ADCY8: variants seen among roughly 807,000 people sequenced by gnomAD.
The protein encoded by ADCY8 is adenylate cyclase 8.
In ADCY8, 51 loss-of-function variants were observed where a neutral mutation model predicts 119.7. The observed-to-expected ratio is 0.43, with a 90% CI of 0.34 to 0.54. ADCY8 has a LOEUF of 0.54. ADCY8 is among the 20% of genes least tolerant of loss of function. ADCY8 has a pLI of 0.03. For synonymous variants in ADCY8, 665 were observed against 651.0 expected, an observed-to-expected ratio of 1.02 and a Z score of -0.33; for missense variants, 1,383 against 1,598.8, an observed-to-expected ratio of 0.87 and a Z score of 2.30.
At chr8:130,810,518 C>A (rs1028966422) in intron 14 of ADCY8, among the ~76,000 whole-genome samples, 20 of 152,260 alleles carry the variant, frequency 1.3e-4, no homozygotes, top group African/African-American at 4.6e-4. Context: ...ATACCCTGCA[C>A]CTTTCAGGGC....
chr8:131,039,500 G>A lies in ADCY8; in HGVS notation c.834C>T (p.Leu278=). 6.2e-7 allele frequency: 1 copy of A among 1,614,034 alleles called. No homozygotes were observed. Among genetic ancestry groups the A allele is most frequent in the Non-Finnish European group, 8.5e-7 (1 of 1,180,042 alleles). The change falls in exon 1 of 18, where the codon CTC becomes CTT. Residue 278 remains leucine (L), a synonymous_variant. Transcript: ENST00000286355. The stretch of plus-strand genomic sequence containing the variant: ...GCGGCAGCATACTGTAGGTGGCGAA[G>A]AGCGTGAAGAGCACGTAGCCTATGC... ...GDGIGYVLFT[L]FATYSMLPLP... is the part of the protein sequence containing the mutation.
At chr8:130,889,639 C>G (rs1471602845) in intron 7 of ADCY8, among the ~76,000 whole-genome samples, 1 of 152,160 alleles carries the variant, frequency 6.6e-6, no homozygotes, top group Non-Finnish European at 1.5e-5. Context: ...CCTTAGCTTT[C>G]TTCACCAGGC....
At chr8:130,999,055 C>T (rs1258857943) in intron 1 of ADCY8, among the ~76,000 whole-genome samples, 2 of 152,096 alleles carry the variant, frequency 1.3e-5, no homozygotes, top group Non-Finnish European at 2.9e-5. Flanking sequence ...ACTTTGATAT[C>T]CTTTTTATAT....
intron 8 of ADCY8, among the ~76,000 whole-genome samples, chr8:130,877,559 A>C (rs571288020): frequency 6.6e-6 from 1 of 152,326 alleles, no homozygotes; most frequent in South Asian, 2.1e-4. Context: ...CAGAAAGACA[A>C]TCTTTTGCAG....
chr8:130,788,182 A>G (rs1815317197), intron 15 of ADCY8, among the ~76,000 whole-genome samples: 1 of 152,232 alleles, frequency 6.6e-6, no homozygotes. Context: ...GAGTGCAGAC[A>G]TTCCTTTGGC....
chr8:130,783,905 G>T, intron 16 of ADCY8, 100 bp from the exon 17 acceptor site: 1 of 801,128 alleles, frequency 1.2e-6, no homozygotes. Flanking sequence ...AACCCTACCT[G>T]CACATCCCTT....
intron 2 of ADCY8, among the ~76,000 whole-genome samples, chr8:130,964,173 T>G (rs1821692777): frequency 6.6e-6 from 1 of 152,210 alleles, no homozygotes; most frequent in Non-Finnish European, 1.5e-5. Context: ...ACCACCTTAG[T>G]GTGGTAGACG....
intron 15 of ADCY8, among the ~76,000 whole-genome samples, chr8:130,789,193 AC>A (rs1324245388): frequency 1.3e-5 from 2 of 152,186 alleles, no homozygotes; most frequent in Non-Finnish European, 2.9e-5. Context: ...AAGACAACAA[AC>A]CTGTTAAAAT....
intron 4 of ADCY8, among the ~76,000 whole-genome samples, chr8:130,940,162 G>A (rs1820914352): frequency 6.6e-6 from 1 of 152,198 alleles, no homozygotes; most frequent in Non-Finnish European, 1.5e-5. Flanking sequence ...TCTTACGGAT[G>A]GGAACAGCAG....
chr8:130,784,115 GTA>G (rs984423478), intron 16 of ADCY8, among the ~76,000 whole-genome samples: 1 of 152,128 alleles, frequency 6.6e-6, no homozygotes, highest in African/African-American at 2.4e-5. Flanking sequence ...GTGAATGAGT[GTA>G]TGTGTGTATG....
chr8:131,002,493 G>T (rs1357266199), intron 1 of ADCY8, among the ~76,000 whole-genome samples: 1 of 152,194 alleles, frequency 6.6e-6, no homozygotes, highest in African/African-American at 2.4e-5. Flanking sequence ...AACATCCTCT[G>T]CCAGGGTCGT....
At chr8:130,848,965 C>T (rs1423263943) in intron 10 of ADCY8, among the ~76,000 whole-genome samples, 2 of 152,156 alleles carry the variant, frequency 1.3e-5, no homozygotes, top group African/African-American at 4.8e-5. Flanking sequence ...ACTCAGCTTT[C>T]CTGAAATGCA....
At chr8:130,824,765 T>C (rs1057267354) in intron 12 of ADCY8, among the ~76,000 whole-genome samples, 2 of 152,188 alleles carry the variant, frequency 1.3e-5, no homozygotes, top group African/African-American at 4.8e-5. Context: ...CACTGTAAAA[T>C]GAAAATGCAG....
intron 3 of ADCY8, 35 bp from the exon 4 acceptor site, chr8:130,943,497 G>GGGGCCCCCCCCCCCCCCC: frequency 2.0e-6 from 1 of 491,356 alleles, no homozygotes; most frequent in Non-Finnish European, 4.2e-6. Context: ...GTGGGGGGAG[G>GGGGCCCCCCCCCCCCCCC]AAGTATATTA....
At chr8:130,948,949 G>A (rs1190016724) in intron 3 of ADCY8, among the ~76,000 whole-genome samples, 3 of 152,186 alleles carry the variant, frequency 2.0e-5, no homozygotes, top group South Asian at 2.1e-4. Context: ...GGAGCCGCGG[G>A]CATCTCACCA....
intron 8 of ADCY8, among the ~76,000 whole-genome samples, chr8:130,869,967 T>TTCTTCTTCCTTCTTCCTTCTTCCTTC (rs1563703191): frequency 3.7e-4 from 51 of 137,568 alleles, no homozygotes; most frequent in African/African-American, 1.4e-3. Flanking sequence ...TTCTTCCTTC[T>TTCTTCTTCCTTCTTCCTTCTTCCTTC]TCCTTCTTCC....
At chr8:130,874,310 A>AAAAT (rs142984550) in intron 8 of ADCY8, among the ~76,000 whole-genome samples, 10,503 of 147,568 alleles carry the variant, frequency 0.071, 430 homozygotes, top group Non-Finnish European at 0.086. Flanking sequence ...TCTGACTTAA[A>AAAAT]AAATAAATAA....
intron 12 of ADCY8, among the ~76,000 whole-genome samples, chr8:130,830,653 G>C (rs1230442667): frequency 6.6e-6 from 1 of 152,126 alleles, no homozygotes; most frequent in African/African-American, 2.4e-5. Flanking sequence ...ATCTACCCCA[G>C]ACAACATAGC....
intron 17 of ADCY8, among the ~76,000 whole-genome samples, chr8:130,782,748 T>C (rs1815124514): frequency 6.6e-6 from 1 of 152,218 alleles, no homozygotes; most frequent in Non-Finnish European, 1.5e-5. Context: ...AGCCCTTTAA[T>C]GCAAAGAGCA....
Sources: allele counts gnomAD v4.1 joint callset (sites outside exome capture counted in the v4.1 genomes callset), GRCh38; gene constraint gnomAD v4.1.1; transcripts MANE v1.5; gene names NCBI Gene and HGNC (gene_info 2026-07-23, HGNC 2026-07-21).